The following PDE1A variants were observed in gnomAD, a reference collection of about 807,000 sequenced individuals.
PDE1A encodes the protein phosphodiesterase 1A, also known as dual specificity calcium/calmodulin-dependent 3',5'-cyclic nucleotide phosphodiesterase 1A.
A neutral mutation model predicts 61.7 loss-of-function variants in PDE1A; 35 were observed. The observed-to-expected ratio is 0.57, with a 90% CI of 0.43 to 0.75. The LOEUF is 0.75. PDE1A is among the 30% of genes least tolerant of loss of function. The pLI is 0.00. For missense variants in PDE1A, 597 were observed against 630.6 expected (o/e 0.95, Z 0.57); for synonymous variants, 232 against 213.2 (o/e 1.09, Z -0.77).
the PDE1A span, among the ~76,000 whole-genome samples, chr2:182,677,881 T>C: frequency 3.3e-5 from 5 of 152,238 alleles, no homozygotes; most frequent in African/African-American, 1.2e-4. Context: ...TTTCTGTACA[T>C]GTCTGACTGC....
At chr2:182,660,410 A>G in the PDE1A span, among the ~76,000 whole-genome samples, 4 of 152,228 alleles carry the variant, frequency 2.6e-5, no homozygotes, top group Non-Finnish European at 5.9e-5. Context: ...CTCATCCTGT[A>G]TAACCCTATT....
chr2:182,144,272 C>A (rs978912606), downstream of PDE1A, among the ~76,000 whole-genome samples: 2 of 152,158 alleles, frequency 1.3e-5, no homozygotes, highest in African/African-American at 4.8e-5. Flanking sequence ...CCAGAAATTC[C>A]TGACATATCT....
chr2:182,239,968 C>T (rs1690368209), intron 3 of PDE1A, 142 bp downstream of exon 3: 1 of 604,854 alleles, frequency 1.7e-6, no homozygotes, highest in Non-Finnish European at 2.6e-6. Context: ...TCATAAAGTC[C>T]CAAATTTGTT....
intron 13 of PDE1A, among the ~76,000 whole-genome samples, chr2:182,152,900 G>C (rs1282462416): frequency 6.6e-6 from 1 of 152,130 alleles, no homozygotes; most frequent in Non-Finnish European, 1.5e-5. Context: ...CTCCAACCCT[G>C]TAAAATTAGA....
At chr2:182,531,612 T>C in the PDE1A span, among the ~76,000 whole-genome samples, 2 of 152,200 alleles carry the variant, frequency 1.3e-5, no homozygotes, top group Admixed American at 1.3e-4. Flanking sequence ...AGATTTCATG[T>C]ATTCTACAAG....
upstream of PDE1A, among the ~76,000 whole-genome samples, chr2:182,523,622 A>G (rs1263993173): frequency 6.6e-6 from 1 of 152,224 alleles, no homozygotes. Context: ...AGAGACATTC[A>G]AAGATTGGTA....
chr2:182,661,525 C>T, the PDE1A span, among the ~76,000 whole-genome samples: 1 of 152,104 alleles, frequency 6.6e-6, no homozygotes, highest in East Asian at 1.9e-4. Flanking sequence ...ACAGAGTAAC[C>T]CCCATCACTA....
At chr2:182,393,562 T>TA (rs1307830761) in intron 1 of PDE1A, among the ~76,000 whole-genome samples, 1 of 152,234 alleles carries the variant, frequency 6.6e-6, no homozygotes, top group Non-Finnish European at 1.5e-5. Flanking sequence ...TTTTCTTTCC[T>TA]ATTGCATCAG....
chr2:182,263,745 C>T (rs990420546), intron 2 of PDE1A, among the ~76,000 whole-genome samples: 1 of 152,186 alleles, frequency 6.6e-6, no homozygotes, highest in Non-Finnish European at 1.5e-5. Flanking sequence ...CAGCACTAAG[C>T]TGGCAACCCT....
At chr2:182,148,463 A>T (rs1690612333) in intron 13 of PDE1A, among the ~76,000 whole-genome samples, 1 of 152,196 alleles carries the variant, frequency 6.6e-6, no homozygotes, top group South Asian at 2.1e-4. Context: ...CTGTGAGCAC[A>T]GTCATGGGCT....
At chr2:182,541,695 A>G in the PDE1A span, among the ~76,000 whole-genome samples, 1 of 152,064 alleles carries the variant, frequency 6.6e-6, no homozygotes, top group African/African-American at 2.4e-5. Context: ...CTATTTTAAA[A>G]CCCATTACAG....
intron 1 of PDE1A, among the ~76,000 whole-genome samples, chr2:182,328,897 G>C (rs1273689502): frequency 6.6e-6 from 1 of 152,144 alleles, no homozygotes; most frequent in African/African-American, 2.4e-5. Context: ...TCCATAGCAA[G>C]AGCTTTTAAC....
upstream of PDE1A, among the ~76,000 whole-genome samples, chr2:182,431,121 TAAAAAAAA>T (rs538631665): frequency 3.3e-5 from 4 of 121,518 alleles, no homozygotes; most frequent in Admixed American, 1.7e-4. Flanking sequence ...AAAAAAACAT[TAAAAAAAA>T]AAAAAAAAAA....
chr2:182,606,616 T>C, the PDE1A span, among the ~76,000 whole-genome samples: 14 of 149,072 alleles, frequency 9.4e-5, no homozygotes, highest in Admixed American at 2.6e-4. Context: ...TGTTATAATA[T>C]AGAAAAAGAA....
chr2:182,620,585 C>T, the PDE1A span, among the ~76,000 whole-genome samples: 80 of 152,284 alleles, frequency 5.3e-4, no homozygotes, highest in African/African-American at 1.3e-3. Flanking sequence ...AAACAGGAAA[C>T]AGAGGCTAGA....
chr2:182,299,297 G>T (rs1306187239), intron 1 of PDE1A, among the ~76,000 whole-genome samples: 1 of 151,346 alleles, frequency 6.6e-6, no homozygotes, highest in Non-Finnish European at 1.5e-5. Context: ...TATTTCCCTA[G>T]TCCTTGAATA....
At chr2:182,705,649 G>A in the PDE1A span, among the ~76,000 whole-genome samples, 9 of 152,062 alleles carry the variant, frequency 5.9e-5, no homozygotes, top group Non-Finnish European at 1.3e-4. Flanking sequence ...AACTAGCTGG[G>A]GTTACAGGCA....
At chr2:182,647,313 T>G in the PDE1A span, among the ~76,000 whole-genome samples, 1 of 152,208 alleles carries the variant, frequency 6.6e-6, no homozygotes, top group Non-Finnish European at 1.5e-5. Context: ...ACTGAATGGA[T>G]GGATCAGCAG....
the PDE1A span, among the ~76,000 whole-genome samples, chr2:182,643,323 G>C: frequency 2.0e-5 from 3 of 152,172 alleles, no homozygotes; most frequent in Non-Finnish European, 4.4e-5. Context: ...GCCTGGTACG[G>C]CACAGGTAAG....
Sources: allele counts gnomAD v4.1 joint callset (sites outside exome capture counted in the v4.1 genomes callset), GRCh38; gene constraint gnomAD v4.1.1; transcripts MANE v1.5; gene names NCBI Gene and HGNC (gene_info 2026-07-23, HGNC 2026-07-21).